DNAH14: variants seen among roughly 807,000 people sequenced by gnomAD.
The protein encoded by DNAH14 is axonemal beta dynein heavy chain 14.
A neutral mutation model predicts 520.9 loss-of-function variants in DNAH14; 478 were observed. The observed-to-expected ratio is 0.92, with a 90% confidence interval of 0.85 to 0.99. DNAH14 has a LOEUF of 0.99. Ranked by LOEUF, DNAH14 falls within the 50% of genes least tolerant of loss-of-function variation. The probability of loss-of-function intolerance (pLI) is 0.00; values close to 1 mark genes in which losing one functional copy is unlikely to be tolerated. For synonymous variants in DNAH14, 1,581 were observed against 1,757.2 expected, an observed-to-expected ratio of 0.90 and a Z score of 2.51; for missense variants, 4,831 against 5,234.5, an observed-to-expected ratio of 0.92 and a Z score of 2.38.
chr1:225,257,390 A>T (rs567730982), intron 44 of DNAH14, among the ~76,000 whole-genome samples: 1 of 152,198 alleles, frequency 6.6e-6, no homozygotes, highest in Non-Finnish European at 1.5e-5. Context: ...GACATAATCA[A>T]TGGAGTTTTC....
chr1:225,378,178 A>AGAT (rs1306761432), intron 79 of DNAH14, among the ~76,000 whole-genome samples: 1 of 151,984 alleles, frequency 6.6e-6, no homozygotes, highest in Non-Finnish European at 1.5e-5. Flanking sequence ...TAAACATACT[A>AGAT]GATATGCTTA....
intron 10 of DNAH14, among the ~76,000 whole-genome samples, chr1:225,014,151 C>T (rs906027816): frequency 6.6e-6 from 1 of 152,164 alleles, no homozygotes; most frequent in African/African-American, 2.4e-5. Context: ...AGCATCTGGG[C>T]TGGATAGTCT....
intron 81 of DNAH14, 119 bp from the exon 82 acceptor site, chr1:225,388,260 C>T (rs1192915565): frequency 1.8e-6 from 1 of 546,900 alleles, no homozygotes; most frequent in Non-Finnish European, 3.3e-6. Context: ...AAAAGGACAT[C>T]CTCCTGCCAA....
In DNAH14 at chr1:225,140,867, G is replaced by A; in HGVS notation, c.4354G>A (p.Glu1452Lys). 1 of 1,551,278 alleles carries A rather than the reference G, an allele frequency of 6.4e-7. No individual in the cohort carries two copies. Among genetic ancestry groups the A allele is most frequent in the Non-Finnish European group, 8.7e-7 (1 of 1,146,928 alleles). ...CCACGCTGGTCTGATGTGTCATCTA[G>A]AAGAGGTTGCAGACCTGGTAGTGCT... Reference protein sequence around the residue: ...KVHAGLMCHLEEVADLVVLDT... With the variant: ...KVHAGLMCHLKEVADLVVLDT... Residue 1452 changes from glutamate (E) to lysine (K), a missense_variant, in exon 28 of 86, where the codon GAA (glutamate) becomes AAA (lysine). Transcript: ENST00000682510.
chr1:225,325,434 G>A lies in DNAH14; in HGVS notation c.9723+602G>A, dbSNP rs561214567. On this transcript the variant is annotated intron_variant, in intron 64 of 85. Transcript: ENST00000682510. ...CGGGAGAAGGAGATTGCAGTGTGCC[G>A]AGATTGAACCATTACACTCCAGCCT... Among the ~76,000 whole-genome samples the A allele has an allele frequency of 3.9e-4, 58 of 149,834 alleles. 1 individual carries two copies. The highest frequency in any genetic ancestry group is 2.5e-3 in the East Asian group (13 of 5,114).
chr1:225,335,618 TACGC>T (rs2094967632), intron 66 of DNAH14, among the ~76,000 whole-genome samples: 1 of 122,458 alleles, frequency 8.2e-6, no homozygotes, highest in African/African-American at 2.8e-5. Flanking sequence ...TATGTGTATA[TACGC>T]ATATATACAT....
rs748323563 is a variant in DNAH14 at position 225,308,383 on chromosome 1, A to T, written c.9213A>T (p.Glu3071Asp). ...VKQDEEIVAEEVRIVEDYAQK... is the reference protein window; with the variant it reads ...VKQDEEIVAEDVRIVEDYAQK... ...AGGATGAAGAAATTGTGGCAGAAGA[A>T]GTAAGAATTGTGGAAGATTATGCTC... The change falls in exon 60 of 86, where the codon GAA becomes GAT. Residue 3071 changes from glutamate (E) to aspartate (D), a missense_variant. By Grantham distance (45) the Glu-to-Asp change is conservative (BLOSUM62 2). Coordinates refer to ENST00000682510, the MANE Select transcript of DNAH14 (RefSeq NM_001367479.1). 3.8e-5 allele frequency: 58 copies of T among 1,539,188 alleles called. No homozygotes were observed. The highest frequency in any genetic ancestry group is 5.5e-5 in the African/African-American group (4 of 72,306).
chr1:225,026,251 AT>A (rs2066113092), intron 11 of DNAH14, among the ~76,000 whole-genome samples: 2 of 151,252 alleles, frequency 1.3e-5, no homozygotes, highest in Non-Finnish European at 2.9e-5. Flanking sequence ...TCTAATTTTT[AT>A]TTAATTTTTA....
At chr1:224,958,380 G>C (rs1249381735) in intron 3 of DNAH14, among the ~76,000 whole-genome samples, 1 of 152,094 alleles carries the variant, frequency 6.6e-6, no homozygotes, top group East Asian at 1.9e-4. Flanking sequence ...ATAGCACTAG[G>C]ATGTGCAGAT....
Position 225,392,450 on chromosome 1 carries a change from AG to A in DNAH14, c.13491+1del, listed in dbSNP as rs1213500506. ...CTCAACATAGTCAGGAGAGCGTTTA[AG>A]GTACTGGAATACTTCAAGGATTAGA... is the stretch of plus-strand genomic sequence containing the variant. ...KKLNIVRRAFKGSASSHTGVY... is the reference protein window; with the variant it reads ...KKLNIVRRAFXGSASSHTGVY... On this transcript the variant is annotated frameshift_variant and splice_region_variant, in exon 84 of 86. Transcript: ENST00000682510. LOFTEE classifies it high-confidence loss of function. 3 of 1,551,598 alleles carry A rather than the reference AG, an allele frequency of 1.9e-6. No homozygotes were observed. In the African/African-American group the frequency reaches 4.1e-5, roughly 21 times the overall value.
intron 3 of DNAH14, among the ~76,000 whole-genome samples, chr1:224,956,518 G>T (rs2060523697): frequency 6.6e-6 from 1 of 152,074 alleles, no homozygotes; most frequent in Non-Finnish European, 1.5e-5. Flanking sequence ...ATTCCATATA[G>T]CCTTGGTGTG....
intron 34 of DNAH14, among the ~76,000 whole-genome samples, chr1:225,156,405 A>G (rs1046914031): frequency 3.3e-5 from 5 of 152,034 alleles, no homozygotes; most frequent in Non-Finnish European, 7.4e-5. Context: ...GGCAGATTCC[A>G]TTTCTTGCCT....
At chr1:225,277,354 CA>C in intron 53 of DNAH14, 55 bp from the exon 54 acceptor site, 1 of 436,102 alleles carries the variant, frequency 2.3e-6, no homozygotes, top group South Asian at 1.7e-5. Flanking sequence ...AACCACAATG[CA>C]CGTTTGATTT....
chr1:225,205,112 G>C (rs1013113987), intron 39 of DNAH14, among the ~76,000 whole-genome samples: 3 of 152,068 alleles, frequency 2.0e-5, no homozygotes, highest in African/African-American at 7.2e-5. Flanking sequence ...CTGACCAATG[G>C]ATTTTCTAAA....
At chr1:224,987,554 C>T (rs2062727543) in intron 8 of DNAH14, among the ~76,000 whole-genome samples, 1 of 152,106 alleles carries the variant, frequency 6.6e-6, no homozygotes, top group Non-Finnish European at 1.5e-5. Context: ...TGGGTCGTTC[C>T]ATGGAAGAAG....
intron 27 of DNAH14, among the ~76,000 whole-genome samples, chr1:225,128,750 C>G (rs1394361685): frequency 6.6e-6 from 1 of 152,088 alleles, no homozygotes; most frequent in African/African-American, 2.4e-5. Context: ...CCTTTGAAAA[C>G]TGGCACAAGA....
chr1:224,930,935 C>A (rs757577177), intron 1 of DNAH14, among the ~76,000 whole-genome samples: 5 of 152,104 alleles, frequency 3.3e-5, no homozygotes, highest in Admixed American at 2.0e-4. Flanking sequence ...TTAGTGTACT[C>A]CTCTTTATTA....
chr1:225,024,406 T>C (rs775759761), intron 11 of DNAH14: 4 of 301,940 alleles, frequency 1.3e-5, no homozygotes, highest in Non-Finnish European at 2.0e-5. Context: ...ATTTTTCTTA[T>C]TTTCCACAAC....
At chr1:225,117,504 T>G (rs1287919466) in intron 23 of DNAH14, among the ~76,000 whole-genome samples, 180 bp from the exon 24 acceptor site, 13 of 151,964 alleles carry the variant, frequency 8.6e-5, no homozygotes, top group African/African-American at 2.9e-4. Context: ...TTATTAAACT[T>G]TTTTTTAGCA....
Sources: allele counts gnomAD v4.1 joint callset (sites outside exome capture counted in the v4.1 genomes callset), GRCh38; gene constraint gnomAD v4.1.1; transcripts MANE v1.5; gene names NCBI Gene and HGNC (gene_info 2026-07-23, HGNC 2026-07-21).